The following SPIDR variants were observed in gnomAD, a reference collection of about 807,000 sequenced individuals.
SPIDR encodes DNA repair-scaffolding protein.
In SPIDR, 93 loss-of-function variants were observed where a neutral mutation model predicts 104.6. The ratio of observed to expected loss-of-function variants is 0.89; its 90% CI spans 0.75 to 1.06. The LOEUF (loss-of-function observed/expected upper bound fraction) is 1.06. SPIDR is among the 50% of genes least tolerant of loss of function. The pLI, the probability that SPIDR is intolerant of heterozygous loss-of-function variation, is 0.00. For missense variants in SPIDR, 1,154 were observed against 1,111.2 expected (o/e 1.04, Z -0.55); for synonymous variants, 431 against 416.9 (o/e 1.03, Z -0.41).
intron 7 of SPIDR, among the ~76,000 whole-genome samples, chr8:47,419,506 T>C (rs532281140): frequency 8.5e-5 from 13 of 152,332 alleles, no homozygotes; most frequent in African/African-American, 2.9e-4. Context: ...GATTCTTCTC[T>C]CTTTTCTTCT....
chr8:47,329,974 AC>A (rs1682861718), intron 5 of SPIDR, among the ~76,000 whole-genome samples: 1 of 152,220 alleles, frequency 6.6e-6, no homozygotes, highest in Non-Finnish European at 1.5e-5. Flanking sequence ...AGCTAAGAAA[AC>A]AAATACGCAC....
At chr8:47,390,574 A>G (rs2060468153) in intron 5 of SPIDR, among the ~76,000 whole-genome samples, 2 of 151,466 alleles carry the variant, frequency 1.3e-5, no homozygotes, top group Admixed American at 1.3e-4. Flanking sequence ...AATATAGGAC[A>G]TATCAACCAT....
chr8:47,358,206 C>T (rs888897361), intron 5 of SPIDR, among the ~76,000 whole-genome samples: 3 of 152,274 alleles, frequency 2.0e-5, no homozygotes, highest in Admixed American at 6.5e-5. Context: ...TAGCCTCAGC[C>T]TCCTGATTAG....
At chr8:47,709,121 C>T (rs1002066079) in intron 14 of SPIDR, among the ~76,000 whole-genome samples, 5 of 151,556 alleles carry the variant, frequency 3.3e-5, no homozygotes, top group African/African-American at 4.8e-5. Context: ...TACAGGCATC[C>T]GCCACTACAC....
intron 5 of SPIDR, among the ~76,000 whole-genome samples, chr8:47,305,564 C>T (rs928181401): frequency 1.2e-4 from 19 of 152,138 alleles, no homozygotes; most frequent in Non-Finnish European, 2.6e-4. Context: ...TTTTGTACTA[C>T]ATGGGAGTGT....
chr8:47,675,579 G>T (rs985883164), intron 11 of SPIDR, among the ~76,000 whole-genome samples: 7 of 152,110 alleles, frequency 4.6e-5, no homozygotes, highest in Non-Finnish European at 8.8e-5. Context: ...GGGAAGCCAA[G>T]GCAGGCTGAT....
chr8:47,414,774 C>T (rs531486311), intron 7 of SPIDR, among the ~76,000 whole-genome samples: 7 of 152,136 alleles, frequency 4.6e-5, no homozygotes, highest in East Asian at 1.9e-4. Flanking sequence ...ACAAATAAAA[C>T]GTGCTGTGAA....
At position 47,629,833 on chromosome 8, in the gene SPIDR, A is replaced by G. The variant is rs192289267; in HGVS notation, c.1544+30637A>G. ...GCCATAATTTGCCAACCTCTAATCT[A>G]TATAAATAGGTAAATTTCTTTATGT... On this transcript the variant is annotated intron_variant, in intron 10 of 19. Coordinates refer to ENST00000297423, the MANE Select transcript of SPIDR (RefSeq NM_001080394.4). 1.1e-4 allele frequency among the ~76,000 whole-genome samples: 16 copies of G among 152,354 alleles called. 1 individual carries two copies. The East Asian group carries it at 3.1e-3, about 29-fold the overall frequency.
intron 5 of SPIDR, among the ~76,000 whole-genome samples, chr8:47,317,149 C>T (rs898207167): frequency 1.7e-4 from 26 of 152,224 alleles, no homozygotes; most frequent in Admixed American, 6.5e-4. Flanking sequence ...CGAAGCAGGG[C>T]GAGGCATCAC....
At chr8:47,485,885 C>G (rs1370448323) in intron 8 of SPIDR, among the ~76,000 whole-genome samples, 1 of 152,144 alleles carries the variant, frequency 6.6e-6, no homozygotes, top group Admixed American at 6.6e-5. Flanking sequence ...GTAGATACAG[C>G]CACAAAGATG....
At chr8:47,404,277 G>A (rs1159707066) in intron 6 of SPIDR, among the ~76,000 whole-genome samples, 1 of 152,198 alleles carries the variant, frequency 6.6e-6, no homozygotes, top group Non-Finnish European at 1.5e-5. Flanking sequence ...TACCATTCAG[G>A]CCATAGGCAA....
intron 8 of SPIDR, among the ~76,000 whole-genome samples, chr8:47,586,477 A>G (rs1278578909): frequency 6.6e-6 from 1 of 152,180 alleles, no homozygotes; most frequent in Non-Finnish European, 1.5e-5. Flanking sequence ...CATTTTCTTA[A>G]TGGCTAATGA....
At chr8:47,577,657 C>T (rs1477529713) in intron 8 of SPIDR, among the ~76,000 whole-genome samples, 1 of 152,162 alleles carries the variant, frequency 6.6e-6, no homozygotes, top group Admixed American at 6.5e-5. Flanking sequence ...TGGAAGCAAT[C>T]CCTTGTAGAC....
chr8:47,511,898 C>A, intron 8 of SPIDR: 1 of 800,734 alleles, frequency 1.2e-6, no homozygotes, highest in South Asian at 1.3e-5. Flanking sequence ...TCATCCTCAT[C>A]TTGGTCATGA....
At chr8:47,311,989 G>A (rs1229305724) in intron 5 of SPIDR, among the ~76,000 whole-genome samples, 1 of 152,062 alleles carries the variant, frequency 6.6e-6, no homozygotes, top group Non-Finnish European at 1.5e-5. Flanking sequence ...TTGTCCTTGC[G>A]ATAGTTTGCT....
At chr8:47,415,979 C>T (rs1165475690) in intron 7 of SPIDR, among the ~76,000 whole-genome samples, 3 of 152,230 alleles carry the variant, frequency 2.0e-5, no homozygotes, top group Admixed American at 6.5e-5. Context: ...TCTAAAAATG[C>T]TCACACCTGT....
At chr8:47,321,174 C>T (rs200786673) in intron 5 of SPIDR, among the ~76,000 whole-genome samples, 25 of 152,150 alleles carry the variant, frequency 1.6e-4, no homozygotes, top group East Asian at 1.2e-3. Context: ...GCAGATGATA[C>T]GATTGTATAT....
chr8:47,439,333 G>A (rs2068946211), intron 7 of SPIDR, among the ~76,000 whole-genome samples: 1 of 152,024 alleles, frequency 6.6e-6, no homozygotes, highest in Non-Finnish European at 1.5e-5. Flanking sequence ...ATAAACTATT[G>A]TATTGATTTC....
chr8:47,346,197 C>T (rs1326357914), intron 5 of SPIDR, among the ~76,000 whole-genome samples: 13 of 152,118 alleles, frequency 8.5e-5, no homozygotes, highest in African/African-American at 2.9e-4. Context: ...TTGTCAAAGG[C>T]CTTTTCTGCA....
Sources: allele counts gnomAD v4.1 joint callset (sites outside exome capture counted in the v4.1 genomes callset), GRCh38; gene constraint gnomAD v4.1.1; transcripts MANE v1.5; gene names NCBI Gene and HGNC (gene_info 2026-07-23, HGNC 2026-07-21).